Variants in NRG3 observed in about 807,000 individuals in gnomAD.
NRG3 encodes the protein neuregulin 3.
In NRG3, 31 loss-of-function variants were observed where a neutral mutation model predicts 66.9. The ratio of observed to expected loss-of-function variants is 0.46; its 90% CI spans 0.35 to 0.63. NRG3 has a LOEUF of 0.63. NRG3 is among the 20% of genes least tolerant of loss of function. NRG3 has a pLI of 0.00. For missense variants in NRG3, 910 were observed against 878.9 expected (o/e 1.04, Z -0.45); for synonymous variants, 393 against 359.4 (o/e 1.09, Z -1.06).
chr10:82,023,897 A>G (rs1469490646), intron 1 of NRG3, among the ~76,000 whole-genome samples: 2 of 151,942 alleles, frequency 1.3e-5, no homozygotes, highest in Non-Finnish European at 2.9e-5. Context: ...CTTCTCTTCA[A>G]CTTTTTGGAA....
chr10:81,963,572 G>A (rs938449325), intron 1 of NRG3, among the ~76,000 whole-genome samples: 11 of 152,184 alleles, frequency 7.2e-5, no homozygotes, highest in African/African-American at 2.4e-4. Flanking sequence ...TCTAAGTTTT[G>A]CCTTTTAATC....
At chr10:82,892,684 T>TAAAC (rs1432537557) in intron 4 of NRG3, among the ~76,000 whole-genome samples, 2 of 150,604 alleles carry the variant, frequency 1.3e-5, no homozygotes, top group Admixed American at 6.6e-5. Context: ...AATAAATAAA[T>TAAAC]AAATAAATAA....
intron 1 of NRG3, among the ~76,000 whole-genome samples, chr10:82,353,262 G>A (rs1299008938): frequency 6.6e-6 from 1 of 152,144 alleles, no homozygotes; most frequent in Non-Finnish European, 1.5e-5. Context: ...GCTGCATTGT[G>A]CCAGCAACAT....
chr10:81,916,512 G>T (rs1589444834), intron 1 of NRG3, among the ~76,000 whole-genome samples: 2 of 152,282 alleles, frequency 1.3e-5, no homozygotes, highest in East Asian at 3.9e-4. Flanking sequence ...TGACATAAAA[G>T]ACATTGGCAT....
intron 2 of NRG3, among the ~76,000 whole-genome samples, chr10:82,427,001 G>T (rs1264192171): frequency 6.6e-6 from 1 of 151,936 alleles, no homozygotes; most frequent in East Asian, 1.9e-4. Flanking sequence ...CTAGTGTATA[G>T]AAATATGACT....
chr10:82,052,980 TTTTATTAATTCATTATTAATAAAA>T lies in NRG3; in HGVS notation c.823+176832_823+176855del, dbSNP rs562873794. On this transcript the variant is annotated intron_variant, in intron 1 of 8. Transcript: ENST00000372141. The stretch of plus-strand genomic sequence containing the variant: ...TAATTTACCAATGGTAGACTAATTA[TTTTATTAATTCATTATTAATAAAA>T]TTTATTAATTCATTTATCAAATGTT... Among the ~76,000 whole-genome samples the T allele has an allele frequency of 2.0e-4, 30 of 152,248 alleles. No homozygotes were observed. The South Asian group carries it at 4.4e-3, about 22-fold the overall frequency.
At chr10:82,701,844 G>A (rs1008961907) in intron 2 of NRG3, among the ~76,000 whole-genome samples, 6 of 152,074 alleles carry the variant, frequency 3.9e-5, no homozygotes, top group African/African-American at 7.2e-5. Context: ...ATTAGCTTTC[G>A]GTGTCTAAGA....
chr10:81,886,838 T>C (rs1173758401), intron 1 of NRG3, among the ~76,000 whole-genome samples: 1 of 152,150 alleles, frequency 6.6e-6, no homozygotes, highest in Non-Finnish European at 1.5e-5. Context: ...ATATAAGATA[T>C]CCATGATATT....
At chr10:82,861,115 A>G (rs1335056196) in intron 3 of NRG3, among the ~76,000 whole-genome samples, 3 of 152,020 alleles carry the variant, frequency 2.0e-5, no homozygotes, top group Admixed American at 2.0e-4. Flanking sequence ...TTAACATTTT[A>G]ATAAAACGAT....
At chr10:82,635,682 G>T (rs1378670878) in intron 2 of NRG3, among the ~76,000 whole-genome samples, 1 of 152,170 alleles carries the variant, frequency 6.6e-6, no homozygotes, top group Non-Finnish European at 1.5e-5. Flanking sequence ...GACATCCATA[G>T]TATTACTTGT....
At chr10:81,998,316 C>T (rs2133642909) in intron 1 of NRG3, among the ~76,000 whole-genome samples, 1 of 152,320 alleles carries the variant, frequency 6.6e-6, no homozygotes, top group East Asian at 1.9e-4. Flanking sequence ...GATAGTTCTA[C>T]TTAGACATGT....
At chr10:82,671,229 T>C (rs973511686) in intron 2 of NRG3, among the ~76,000 whole-genome samples, 3 of 152,186 alleles carry the variant, frequency 2.0e-5, no homozygotes, top group African/African-American at 7.2e-5. Context: ...CTTTCTTAGT[T>C]ATGTCACTCT....
chr10:81,875,975 T>A lies in NRG3; in HGVS notation c.635T>A (p.Val212Glu). Residue 212 changes from valine to glutamate, a missense_variant, in exon 1 of 9, where the codon GTG becomes GAG. Coordinates refer to ENST00000372141, the MANE Select transcript of NRG3 (RefSeq NM_001010848.4). The surrounding 1 kb of genome is among the most constrained non-coding windows in gnomAD (Gnocchi z 5.3). ...AGCACGCTGGGCTCCCGACCCCCGG[T>A]GCCAGGAACTCCAAGTACCCAGGCA... ...SSSTLGSRPP[V>E]PGTPSTQAMP... 6.2e-7 allele frequency: 1 copy of A among 1,614,014 alleles called. No homozygotes were observed. Among genetic ancestry groups the A allele is most frequent in the Non-Finnish European group, 8.5e-7 (1 of 1,180,020 alleles).
chr10:82,552,504 A>G (rs1463323849), intron 2 of NRG3, among the ~76,000 whole-genome samples: 1 of 152,138 alleles, frequency 6.6e-6, no homozygotes, highest in Non-Finnish European at 1.5e-5. Flanking sequence ...TTTTTTGAGT[A>G]CTTTATATGT....
chr10:82,968,665 G>GAGGGAGGCAGGGAGGGAGGCAGGC (rs760740355), intron 6 of NRG3, among the ~76,000 whole-genome samples: 12 of 146,596 alleles, frequency 8.2e-5, no homozygotes, highest in Non-Finnish European at 1.7e-4. Context: ...GGGAGGCAGG[G>GAGGGAGGCAGGGAGGGAGGCAGGC]AGGGAGGGAG....
intron 1 of NRG3, among the ~76,000 whole-genome samples, chr10:82,200,533 G>A (rs1453954017): frequency 6.6e-6 from 1 of 152,158 alleles, no homozygotes; most frequent in Admixed American, 6.5e-5. Context: ...AGGGGATAGG[G>A]ATATAGGAGG....
chr10:82,158,565 A>T (rs1055167053), intron 1 of NRG3, among the ~76,000 whole-genome samples: 2 of 151,772 alleles, frequency 1.3e-5, no homozygotes, highest in Non-Finnish European at 3.0e-5. Context: ...AATTGGATGT[A>T]TATTTCTCTC....
chr10:82,614,446 A>G (rs1377573743), intron 2 of NRG3, among the ~76,000 whole-genome samples: 1 of 152,218 alleles, frequency 6.6e-6, no homozygotes, highest in Non-Finnish European at 1.5e-5. Flanking sequence ...GAAAATGTTA[A>G]TACATTGATT....
At chr10:82,148,453 C>A (rs1326695334) in intron 1 of NRG3, among the ~76,000 whole-genome samples, 1 of 152,164 alleles carries the variant, frequency 6.6e-6, no homozygotes, top group Non-Finnish European at 1.5e-5. Context: ...AATCTTTGAT[C>A]TCTAAAGGTT....
Sources: allele counts gnomAD v4.1 joint callset (sites outside exome capture counted in the v4.1 genomes callset), GRCh38; gene constraint gnomAD v4.1.1; non-coding constraint Gnocchi (gnomAD v3.1); transcripts MANE v1.5; gene names NCBI Gene and HGNC (gene_info 2026-07-23, HGNC 2026-07-21).